The following FGFR4 variants were observed in gnomAD, a reference collection of about 807,000 sequenced individuals.
FGFR4 encodes hydroxyaryl-protein kinase.
Under a neutral mutation model 89.9 loss-of-function variants are expected in FGFR4, and 63 were observed. That is an observed-to-expected ratio of 0.70 (90% CI 0.57 to 0.86). The LOEUF is 0.86. Among genes scored for constraint, FGFR4 ranks in the 40% least tolerant of loss-of-function variants. FGFR4 has a pLI of 0.00. For synonymous variants in FGFR4, 486 were observed against 479.4 expected (o/e 1.01, Z -0.18); for missense variants, 928 against 1,106.7 (o/e 0.84, Z 2.29).
At chr5:177,096,443 C>A in intron 15 of FGFR4, 86 bp downstream of exon 15, 1 of 1,558,934 alleles carries the variant, frequency 6.4e-7, no homozygotes, top group South Asian at 1.1e-5. Flanking sequence ...GTCATGCGCT[C>A]GAGGGCTCCT....
At chr5:177,089,860 A>G in intron 2 of FGFR4, 167 bp downstream of exon 2, 1 of 878,648 alleles carries the variant, frequency 1.1e-6, no homozygotes, top group Non-Finnish European at 1.8e-6. Context: ...GCTTCCAGCA[A>G]GCATTCATCT....
rs544659475 is a variant in FGFR4, at chr5:177,089,424, G to T, written c.-53-126G>T. On this transcript the variant is annotated intron_variant, in intron 1 of 17. Coordinates refer to ENST00000292408, the MANE Select transcript of FGFR4 (RefSeq NM_213647.3). ...GCTGGTTCCAGTCTGCACTGCCACAGCCTGGCCAGGGACTTGGACACATCT... is the reference window on the plus strand; with the variant it reads ...GCTGGTTCCAGTCTGCACTGCCACATCCTGGCCAGGGACTTGGACACATCT... The T allele has an allele frequency of 5.1e-4, 569 of 1,116,522 alleles. 7 individuals are homozygous for T. In the South Asian group the frequency reaches 7.0e-3, roughly 14 times the overall value. The allele number at this position is 1,116,522 out of a possible 1,614,324, so 69.2% of individuals were successfully genotyped here.
In FGFR4 at chr5:177,097,843, C is replaced by A; in HGVS notation, c.*167C>A. 1.3e-6 allele frequency: 1 copy of A among 750,958 alleles called. No individual in the cohort carries two copies. Among genetic ancestry groups the A allele is most frequent in the Non-Finnish European group, 2.0e-6 (1 of 493,790 alleles). 46.5% of individuals were successfully genotyped at this position (750,958 alleles called of 1,614,324 possible). On this transcript the variant is annotated 3_prime_UTR_variant, in exon 18 of 18. Transcript: ENST00000292408. ...GCCCTTGGAGCTGCCGTGCCTGTGT[C>A]CTGATGGCCCAAATGTCAGGGTTCT...
intron 4 of FGFR4, 36 bp downstream of exon 4, chr5:177,090,861 T>G (rs1251746777): frequency 6.2e-7 from 1 of 1,614,002 alleles, no homozygotes; most frequent in Admixed American, 1.7e-5. Flanking sequence ...TCCCCGCTGC[T>G]GCTCATCTGA....
rs1472541408 is a variant in FGFR4, at chr5:177,092,745, G to A, written c.1018G>A (p.Gly340Ser). ...CACCTGCCTCGCAGGCAATTCCATC[G>A]GCCTCTCCTACCAGTCTGCCTGGCT... ...EYTCLAGNSI[G>S]LSYQSAWLTV... The change falls in exon 8 of 18, where the codon GGC becomes AGC. Residue 340 changes from glycine (G) to serine (S), a missense_variant. Transcript: ENST00000292408. The A allele has an allele frequency of 2.5e-6, 4 of 1,614,208 alleles. No individual in the cohort carries two copies. Among genetic ancestry groups the A allele is most frequent in the South Asian group, 1.1e-5 (1 of 91,090 alleles).
At position 177,095,923 on chromosome 5, in the gene FGFR4, T is replaced by C; in HGVS notation, c.1822-134T>C. 1 of 1,355,292 alleles carries C rather than the reference T, an allele frequency of 7.4e-7. No individual in the cohort carries two copies. Among genetic ancestry groups the C allele is most frequent in the Admixed American group, 2.7e-5 (1 of 37,052 alleles). The allele number at this position is 1,355,292 out of a possible 1,614,324, so 84.0% of individuals were successfully genotyped here. On this transcript the variant is annotated intron_variant, in intron 13 of 17. Transcript: ENST00000292408. The surrounding 1 kb of genome is among the most constrained non-coding windows in gnomAD (Gnocchi z 5.7). ...GGAGAGGGGACGCAGGAGAAGGCACTCCCCGTTTCTAAACCTTGACCTCCT... is the reference window on the plus strand; with the variant it reads ...GGAGAGGGGACGCAGGAGAAGGCACCCCCCGTTTCTAAACCTTGACCTCCT...
intron 7 of FGFR4, 51 bp from the exon 8 acceptor site, chr5:177,092,595 C>T: frequency 6.4e-7 from 1 of 1,573,372 alleles, no homozygotes; most frequent in Non-Finnish European, 8.7e-7. Flanking sequence ...CTGTTGGCCA[C>T]AGTGTGGCCC....
At position 177,097,848 on chromosome 5, in the gene FGFR4, T is replaced by C; in HGVS notation, c.*172T>C. ...TGGAGCTGCCGTGCCTGTGTCCTGA[T>C]GGCCCAAATGTCAGGGTTCTGCTCG... On this transcript the variant is annotated 3_prime_UTR_variant, in exon 18 of 18. Coordinates refer to ENST00000292408, the MANE Select transcript of FGFR4 (RefSeq NM_213647.3). The C allele has an allele frequency of 1.4e-6, 1 of 712,876 alleles. No individual in the cohort carries two copies. Among genetic ancestry groups the C allele is most frequent in the Non-Finnish European group, 2.2e-6 (1 of 464,186 alleles). 44.2% of individuals were successfully genotyped at this position (712,876 alleles called of 1,614,324 possible).
At chr5:177,097,462 CG>C (rs1784648380) in intron 17 of FGFR4, 64 bp from the exon 18 acceptor site, 1 of 1,602,612 alleles carries the variant, frequency 6.2e-7, no homozygotes, top group Admixed American at 1.7e-5. Context: ...CTGGCCTGAC[CG>C]CGTGGACATG....
intron 6 of FGFR4, 26 bp from the exon 7 acceptor site, chr5:177,092,295 G>A (rs1019393956): frequency 6.5e-7 from 1 of 1,532,444 alleles, no homozygotes; most frequent in Non-Finnish European, 8.8e-7. Flanking sequence ...CGGTGGTCAG[G>A]GTTGACTGTC....
At chr5:177,096,806 C>T in intron 16 of FGFR4, 65 bp downstream of exon 16, 3 of 1,535,076 alleles carry the variant, frequency 2.0e-6, no homozygotes, top group Non-Finnish European at 2.6e-6. Context: ...CTGACCATGG[C>T]CTCAGGGTGT....
Position 177,097,493 on chromosome 5 carries a change from C to T in FGFR4, c.2260-34C>T, listed in dbSNP as rs747459828. 4.4e-6 allele frequency: 7 copies of T among 1,604,264 alleles called. No homozygotes were observed. The East Asian group carries it at 1.1e-4, about 26-fold the overall frequency. On this transcript the variant is annotated intron_variant, in intron 17 of 17. Transcript: ENST00000292408. ...GACATGCGCCCCGTCCCATCCCGGGCGCTGCAGAGGCTGACCAGCTCCGTT... is the reference window on the plus strand; with the variant it reads ...GACATGCGCCCCGTCCCATCCCGGGTGCTGCAGAGGCTGACCAGCTCCGTT...
chr5:177,094,469 AG>A (rs1170695993), intron 11 of FGFR4, among the ~76,000 whole-genome samples: 3 of 151,988 alleles, frequency 2.0e-5, no homozygotes, highest in Non-Finnish European at 2.9e-5. Flanking sequence ...TCAGCCTCAC[AG>A]GCCCTCTACC....
intron 16 of FGFR4, 116 bp from the exon 17 acceptor site, chr5:177,097,176 C>T (rs890596171): frequency 1.4e-6 from 1 of 737,700 alleles, no homozygotes; most frequent in African/African-American, 1.8e-5. Flanking sequence ...ACTGATGACC[C>T]TCCTATCCCT....
In FGFR4 at chr5:177,093,572, G is replaced by A. The variant is rs761214700; in HGVS notation, c.1397+21G>A. On this transcript the variant is annotated intron_variant, in intron 10 of 17. Transcript: ENST00000292408. This position sits in a 1 kb window ranked among gnomAD's most constrained non-coding sequence, Gnocchi z 5.8. ...GACAGGTGCGCTGAGCTGTGTGGGG[G>A]CAGGGACGCGGGCGCCGGGTTGCAG... The A allele has an allele frequency of 5.0e-6, 8 of 1,612,412 alleles. No individual in the cohort carries two copies. The South Asian group carries it at 6.6e-5, about 13-fold the overall frequency.
chr5:177,094,732 C>G (rs1314875286), intron 11 of FGFR4: 2 of 159,322 alleles, frequency 1.3e-5, no homozygotes, highest in Non-Finnish European at 2.8e-5. Flanking sequence ...CTGGGGCCAC[C>G]TGGTGCTCCC....
intron 2 of FGFR4, chr5:177,090,135 C>CGT (rs59390048): frequency 0.087 from 41,049 of 469,846 alleles, 1 homozygote; most frequent in East Asian, 0.21. Context: ...TGTGTGTATG[C>CGT]GTGTGTGTGT....
chr5:177,089,582 C>T lies in FGFR4; in HGVS notation c.-21C>T, dbSNP rs1784277051. The T allele has an allele frequency of 5.0e-6, 8 of 1,609,800 alleles. No individual in the cohort carries two copies. Among genetic ancestry groups the T allele is most frequent in the Non-Finnish European group, 5.9e-6 (7 of 1,178,010 alleles). On this transcript the variant is annotated 5_prime_UTR_variant, in exon 2 of 18. Transcript: ENST00000292408. ...GTTGGTGGGAAGTCCAGCTTGGGTCCCTGAGAGCTGTGAGAAGGAGATGCG... is the reference window on the plus strand; with the variant it reads ...GTTGGTGGGAAGTCCAGCTTGGGTCTCTGAGAGCTGTGAGAAGGAGATGCG...
chr5:177,093,555 C>T lies in FGFR4; in HGVS notation c.1397+4C>T, dbSNP rs772258997. 26 of 1,613,022 alleles carry T rather than the reference C, an allele frequency of 1.6e-5. No individual in the cohort carries two copies. The highest frequency in any genetic ancestry group is 1.6e-4 in the Middle Eastern group (1 of 6,082). ...TATGGGAGTTCCCCCGGGACAGGTGCGCTGAGCTGTGTGGGGGCAGGGACG... is the reference window on the plus strand; with the variant it reads ...TATGGGAGTTCCCCCGGGACAGGTGTGCTGAGCTGTGTGGGGGCAGGGACG... On this transcript the variant is annotated splice_donor_region_variant and intron_variant, in intron 10 of 17. Coordinates refer to ENST00000292408, the MANE Select transcript of FGFR4 (RefSeq NM_213647.3). The surrounding 1 kb of genome is among the most constrained non-coding windows in gnomAD (Gnocchi z 5.8).
Sources: gnomAD v4.1 joint callset for allele counts (sites outside exome capture counted in the v4.1 genomes callset) on GRCh38, gnomAD v4.1.1 for gene constraint, Gnocchi (gnomAD v3.1) non-coding constraint, MANE v1.5 for transcripts, NCBI Gene and HGNC (gene_info 2026-07-23, HGNC 2026-07-21) for gene names.